Variants in NTRK3 observed in about 807,000 individuals in gnomAD.
The protein encoded by NTRK3 is NT-3 growth factor receptor.
In NTRK3, 24 loss-of-function variants were observed where a neutral mutation model predicts 91.7. That is an observed-to-expected ratio of 0.26 (90% confidence interval 0.19 to 0.37). NTRK3 has a LOEUF of 0.37. Among genes scored for constraint, NTRK3 ranks in the 10% least tolerant of loss-of-function variants. The probability of loss-of-function intolerance (pLI) is 1.00; values close to 1 mark genes in which losing one functional copy is unlikely to be tolerated. For synonymous variants in NTRK3, 483 were observed against 404.0 expected (o/e 1.20, Z -2.34); for missense variants, 880 against 1,068.9 (o/e 0.82, Z 2.46).
intron 14 of NTRK3, among the ~76,000 whole-genome samples, chr15:87,957,341 G>A (rs553403423): frequency 2.0e-5 from 3 of 150,420 alleles, no homozygotes; most frequent in South Asian, 2.1e-4. Context: ...TTATTATGAC[G>A]CCTACAGTCC....
At chr15:87,884,215 G>A (rs1195175735) in intron 17 of NTRK3, among the ~76,000 whole-genome samples, 1 of 151,464 alleles carries the variant, frequency 6.6e-6, no homozygotes, top group Non-Finnish European at 1.5e-5. Context: ...GGAGACAAAT[G>A]TAAAATGTTA....
At chr15:87,869,374 A>G in exon 19 of NTRK3, 1 of 228,658 alleles carries the variant, frequency 4.4e-6, no homozygotes, top group East Asian at 6.2e-5. Flanking sequence ...AGTAAAATTC[A>G]CTGCACAGAG....
chr15:88,169,080 A>G (rs1480940252), intron 5 of NTRK3, among the ~76,000 whole-genome samples: 1 of 152,200 alleles, frequency 6.6e-6, no homozygotes, highest in Admixed American at 6.5e-5. Context: ...AGGGAAGCGC[A>G]ATGTGGCTTG....
intron 3 of NTRK3, among the ~76,000 whole-genome samples, chr15:88,217,326 A>G (rs541329994): frequency 6.6e-6 from 1 of 152,358 alleles, no homozygotes; most frequent in African/African-American, 2.4e-5. Flanking sequence ...CCCTGTTCAC[A>G]ATAATCAAAG....
chr15:88,027,481 C>G (rs2078137005), intron 14 of NTRK3, among the ~76,000 whole-genome samples: 1 of 152,210 alleles, frequency 6.6e-6, no homozygotes, highest in Non-Finnish European at 1.5e-5. Flanking sequence ...CTCTCGGGTT[C>G]ATGACATTCT....
intron 14 of NTRK3, among the ~76,000 whole-genome samples, chr15:88,031,840 C>T (rs1483672861): frequency 6.6e-6 from 1 of 152,120 alleles, no homozygotes; most frequent in African/African-American, 2.4e-5. Flanking sequence ...AGAGCTCTGC[C>T]CAGGGGCTGA....
At chr15:87,877,202 C>A in intron 18 of NTRK3, 82 bp from the exon 20 acceptor site, 2 of 1,432,112 alleles carry the variant, frequency 1.4e-6, no homozygotes, top group South Asian at 1.2e-5. Context: ...AAAGCAACAA[C>A]TTCCCGGATT....
At position 88,243,431 on chromosome 15, in the gene NTRK3, C is replaced by A. The variant is rs1252544130; in HGVS notation, c.248+12475G>T. On this transcript the variant is annotated intron_variant, in intron 3 of 18. Transcript: ENST00000394480. This position sits in a 1 kb window ranked among gnomAD's most constrained non-coding sequence, Gnocchi z 4.8. The stretch of plus-strand genomic sequence containing the variant: ...GGGTCACCCCAAACCAGCCTCAGAG[C>A]TACTCCTCTGCTGAGAGGAGGCTGG... Among the ~76,000 whole-genome samples, 2 of 152,060 alleles carry A rather than the reference C, an allele frequency of 1.3e-5. No individual in the cohort carries two copies. The highest frequency in any genetic ancestry group is 4.8e-5 in the African/African-American group (2 of 41,382).
intron 3 of NTRK3, among the ~76,000 whole-genome samples, chr15:88,232,343 G>C (rs2051282814): frequency 7.1e-6 from 1 of 140,590 alleles, no homozygotes; most frequent in South Asian, 2.2e-4. Flanking sequence ...AGATGCACTT[G>C]TCTAATCTGC....
intron 17 of NTRK3, among the ~76,000 whole-genome samples, chr15:87,912,646 C>T (rs985691283): frequency 9.2e-5 from 14 of 151,946 alleles, no homozygotes; most frequent in African/African-American, 3.4e-4. Flanking sequence ...CTCTGGCTGG[C>T]ATTCAATGTA....
chr15:87,926,296 T>G (rs1301681227), intron 17 of NTRK3, among the ~76,000 whole-genome samples: 1 of 152,202 alleles, frequency 6.6e-6, no homozygotes, highest in Non-Finnish European at 1.5e-5. Context: ...TAGGACACTG[T>G]GAGTAAGTGA....
intron 3 of NTRK3, among the ~76,000 whole-genome samples, chr15:88,223,123 G>C (rs2050378487): frequency 1.3e-5 from 2 of 152,254 alleles, no homozygotes; most frequent in South Asian, 4.2e-4. Context: ...GAGGCGGGTG[G>C]GATTGGGCAG....
intron 13 of NTRK3, among the ~76,000 whole-genome samples, chr15:88,052,988 A>G (rs756414276): frequency 1.3e-5 from 2 of 152,172 alleles, no homozygotes; most frequent in South Asian, 2.1e-4. Flanking sequence ...TCCTATCTGG[A>G]AAACTGGGAA....
chr15:88,080,758 C>G (rs574171530), intron 13 of NTRK3, among the ~76,000 whole-genome samples: 1 of 152,320 alleles, frequency 6.6e-6, no homozygotes, highest in East Asian at 1.9e-4. Flanking sequence ...CTGGTTAGTC[C>G]CTGGCCTGGT....
At chr15:88,126,654 T>C (rs895006219) in intron 12 of NTRK3, among the ~76,000 whole-genome samples, 1 of 152,210 alleles carries the variant, frequency 6.6e-6, no homozygotes, top group Non-Finnish European at 1.5e-5. Flanking sequence ...AAAACAAGCC[T>C]AGAGAGGCGT....
chr15:88,150,222 G>C (rs1212793727), intron 5 of NTRK3, among the ~76,000 whole-genome samples: 2 of 152,182 alleles, frequency 1.3e-5, no homozygotes, highest in African/African-American at 2.4e-5. Context: ...GGGCAGCCCT[G>C]CCCATCTCAG....
At chr15:87,998,105 C>G (rs531845273) in intron 14 of NTRK3, among the ~76,000 whole-genome samples, 3 of 152,196 alleles carry the variant, frequency 2.0e-5, no homozygotes, top group Non-Finnish European at 4.4e-5. Context: ...TAGCAGTATC[C>G]CTGGTCTCTC....
exon 19 of NTRK3, chr15:87,864,704 A>G (rs1243841452): frequency 4.4e-6 from 1 of 229,206 alleles, no homozygotes; most frequent in African/African-American, 2.2e-5. Flanking sequence ...AGATACTCAA[A>G]GTGAAAAATG....
At chr15:88,182,496 A>G (rs1597809927) in intron 5 of NTRK3, among the ~76,000 whole-genome samples, 1 of 152,128 alleles carries the variant, frequency 6.6e-6, no homozygotes, top group Admixed American at 6.6e-5. Context: ...GCCACAGGAA[A>G]GACTAGCCCA....
Sources: gnomAD v4.1 joint callset for allele counts (sites outside exome capture counted in the v4.1 genomes callset) on GRCh38, gnomAD v4.1.1 for gene constraint, Gnocchi (gnomAD v3.1) non-coding constraint, MANE v1.5 for transcripts, NCBI Gene and HGNC (gene_info 2026-07-23, HGNC 2026-07-21) for gene names.